The following NRXN1 variants were observed in gnomAD, a reference collection of about 807,000 sequenced individuals.
NRXN1 encodes the protein neurexin-1.
A neutral mutation model predicts 150.9 loss-of-function variants in NRXN1; 39 were observed. The ratio of observed to expected loss-of-function variants is 0.26; its 90% CI spans 0.20 to 0.34. NRXN1 has a LOEUF of 0.34. Among genes scored for constraint, NRXN1 ranks in the 10% least tolerant of loss-of-function variants. The probability of loss-of-function intolerance (pLI) is 1.00; values close to 1 mark genes in which losing one functional copy is unlikely to be tolerated. For synonymous variants in NRXN1, 924 were observed against 757.0 expected (o/e 1.22, Z -3.62); for missense variants, 1,815 against 1,949.9 (o/e 0.93, Z 1.30).
intron 21 of NRXN1, among the ~76,000 whole-genome samples, chr2:49,976,804 C>G (rs1350993019): frequency 1.3e-5 from 2 of 152,124 alleles, no homozygotes; most frequent in African/African-American, 4.8e-5. Flanking sequence ...CAAATTTTGT[C>G]TGATTCTTCC....
At chr2:50,632,919 C>G (rs1280365627) in intron 5 of NRXN1, 1 of 151,962 alleles carries the variant, frequency 6.6e-6, no homozygotes, top group Non-Finnish European at 1.5e-5. Context: ...TCATTGGAAG[C>G]AATCTCTCAA....
chr2:50,337,203 A>T (rs2077248551), intron 17 of NRXN1, among the ~76,000 whole-genome samples: 1 of 148,656 alleles, frequency 6.7e-6, no homozygotes, highest in African/African-American at 2.5e-5. Context: ...CTTCTGCCTG[A>T]CCCTCCTGAG....
At chr2:50,318,798 G>C (rs1422919387) in intron 17 of NRXN1, among the ~76,000 whole-genome samples, 1 of 151,976 alleles carries the variant, frequency 6.6e-6, no homozygotes, top group Non-Finnish European at 1.5e-5. Context: ...ACAAAATTCA[G>C]AAGGTAGCTA....
intron 5 of NRXN1, among the ~76,000 whole-genome samples, chr2:50,632,127 T>G (rs1682437994): frequency 6.6e-6 from 1 of 151,992 alleles, no homozygotes; most frequent in African/African-American, 2.4e-5. Flanking sequence ...TAAATAAATT[T>G]AACTATGAAA....
chr2:50,901,836 T>C (rs1170904030), intron 5 of NRXN1, among the ~76,000 whole-genome samples: 1 of 152,200 alleles, frequency 6.6e-6, no homozygotes, highest in African/African-American at 2.4e-5. Flanking sequence ...TAATTTGTAT[T>C]CACTAAATAG....
intron 17 of NRXN1, among the ~76,000 whole-genome samples, chr2:50,444,960 C>T (rs1191532925): frequency 6.6e-6 from 1 of 152,072 alleles, no homozygotes; most frequent in Non-Finnish European, 1.5e-5. Flanking sequence ...ATTTAACACT[C>T]AGGCAAGTGC....
At chr2:50,524,984 C>G (rs2092906418) in intron 12 of NRXN1, among the ~76,000 whole-genome samples, 1 of 152,130 alleles carries the variant, frequency 6.6e-6, no homozygotes, top group Admixed American at 6.6e-5. Context: ...TGACATTAGG[C>G]TATGTGCTTT....
At chr2:50,622,811 AG>A (rs1238050475) in intron 6 of NRXN1, among the ~76,000 whole-genome samples, 4 of 152,172 alleles carry the variant, frequency 2.6e-5, no homozygotes, top group Non-Finnish European at 4.4e-5. Context: ...GAGATATGTA[AG>A]CCCCTAAAGA....
At chr2:50,538,180 G>C (rs2093308128) in intron 10 of NRXN1, 73 bp downstream of exon 10, 5 of 1,518,740 alleles carry the variant, frequency 3.3e-6, no homozygotes, top group Non-Finnish European at 4.5e-6. Context: ...TCAATGGTCA[G>C]TGCAGGTTTG....
intron 17 of NRXN1, among the ~76,000 whole-genome samples, chr2:50,436,490 A>C (rs2085458472): frequency 6.6e-6 from 1 of 152,148 alleles, no homozygotes; most frequent in South Asian, 2.1e-4. Context: ...AGTGTTTAAC[A>C]CAATTTACTG....
At chr2:50,146,362 T>C (rs926652190) in intron 18 of NRXN1, among the ~76,000 whole-genome samples, 16 of 151,700 alleles carry the variant, frequency 1.1e-4, no homozygotes, top group African/African-American at 3.9e-4. Context: ...CATCCTTCTA[T>C]AAAGACACAT....
At chr2:50,300,868 G>A (rs1335601292) in intron 17 of NRXN1, among the ~76,000 whole-genome samples, 5 of 151,976 alleles carry the variant, frequency 3.3e-5, no homozygotes, top group African/African-American at 1.2e-4. Context: ...GCTAATTTTT[G>A]TCTTTGTATT....
chr2:50,232,271 A>T (rs1399535286), intron 18 of NRXN1, among the ~76,000 whole-genome samples: 2 of 152,066 alleles, frequency 1.3e-5, no homozygotes, highest in Non-Finnish European at 1.5e-5. Context: ...ACAGAGCCTA[A>T]CATAGGCCTG....
chr2:50,129,385 T>C (rs145515451), intron 18 of NRXN1, among the ~76,000 whole-genome samples: 2,498 of 152,316 alleles, frequency 0.016, 63 homozygotes, highest in Non-Finnish European at 0.024. Flanking sequence ...TCTACTGCCT[T>C]GGCAGATTTC....
chr2:50,688,513 G>C (rs1044858963), intron 5 of NRXN1, among the ~76,000 whole-genome samples: 4 of 152,072 alleles, frequency 2.6e-5, no homozygotes, highest in African/African-American at 9.7e-5. Context: ...TGCAGGACTG[G>C]GTGGGTAGAA....
intron 10 of NRXN1, among the ~76,000 whole-genome samples, chr2:50,537,184 A>G (rs1340371245): frequency 7.2e-5 from 11 of 152,186 alleles, no homozygotes; most frequent in African/African-American, 2.7e-4. Context: ...GAACTGAACT[A>G]TTTCAGGAAT....
intron 22 of NRXN1, among the ~76,000 whole-genome samples, chr2:49,935,880 C>T (rs1296561219): frequency 6.6e-6 from 1 of 152,204 alleles, no homozygotes. Flanking sequence ...TTTTCTAAAC[C>T]TGTGCTACAT....
intron 17 of NRXN1, among the ~76,000 whole-genome samples, chr2:50,297,690 G>C (rs938507602): frequency 6.6e-6 from 1 of 152,096 alleles, no homozygotes; most frequent in Non-Finnish European, 1.5e-5. Context: ...CAAAGTTCCT[G>C]GGATAACTGT....
chr2:50,629,583 T>A (rs1003702438), intron 5 of NRXN1, among the ~76,000 whole-genome samples: 2 of 151,674 alleles, frequency 1.3e-5, no homozygotes, highest in African/African-American at 2.4e-5. Context: ...CCTGGACATT[T>A]ATGCTACATT....
Sources: allele counts gnomAD v4.1 joint callset (sites outside exome capture counted in the v4.1 genomes callset), GRCh38; gene constraint gnomAD v4.1.1; transcripts MANE v1.5; gene names NCBI Gene and HGNC (gene_info 2026-07-23, HGNC 2026-07-21).